The following SHISA9 variants were observed in gnomAD, a reference collection of about 807,000 sequenced individuals.
The protein encoded by SHISA9 is protein shisa-9.
A neutral mutation model predicts 38.0 loss-of-function variants in SHISA9; 13 were observed. The observed-to-expected ratio is 0.34, with a 90% CI of 0.22 to 0.54. The LOEUF is 0.54. Ranked by LOEUF, SHISA9 falls within the 20% of genes least tolerant of loss-of-function variation. The pLI is 0.91. For missense variants in SHISA9, 538 were observed against 575.8 expected (o/e 0.93, Z 0.67); for synonymous variants, 275 against 242.0 (o/e 1.14, Z -1.27).
the SHISA9 span, among the ~76,000 whole-genome samples, chr16:13,315,955 A>C: frequency 3.3e-5 from 5 of 152,118 alleles, no homozygotes; most frequent in Non-Finnish European, 7.4e-5. Context: ...ACTGTTGCTC[A>C]CTACATATTG....
chr16:13,290,675 CCT>C, the SHISA9 span, among the ~76,000 whole-genome samples: 1 of 152,110 alleles, frequency 6.6e-6, no homozygotes, highest in Non-Finnish European at 1.5e-5. Context: ...CCCCTGCCTC[CCT>C]CTCTCTGGTT....
At chr16:13,416,648 G>T in the SHISA9 span, among the ~76,000 whole-genome samples, 27 of 151,940 alleles carry the variant, frequency 1.8e-4, no homozygotes, top group African/African-American at 6.3e-4. Flanking sequence ...GGAGTTCGAG[G>T]CTGCACTGAG....
chr16:13,241,218 C>A (rs552098955), downstream of SHISA9, among the ~76,000 whole-genome samples: 1 of 152,262 alleles, frequency 6.6e-6, no homozygotes, highest in Non-Finnish European at 1.5e-5. Context: ...TTCATGGTGT[C>A]AAGAATCCCT....
chr16:13,121,206 G>A (rs1237490201), intron 2 of SHISA9, among the ~76,000 whole-genome samples: 1 of 152,010 alleles, frequency 6.6e-6, no homozygotes, highest in Non-Finnish European at 1.5e-5. Flanking sequence ...AAAATAATCT[G>A]GGCTGGGCAT....
chr16:13,284,879 G>GT, the SHISA9 span, among the ~76,000 whole-genome samples: 2 of 152,192 alleles, frequency 1.3e-5, no homozygotes, highest in Non-Finnish European at 2.9e-5. Flanking sequence ...GATTACAGGC[G>GT]TGAGCCACTG....
At chr16:12,966,334 A>T (rs1170189826) in intron 2 of SHISA9, among the ~76,000 whole-genome samples, 1 of 108,848 alleles carries the variant, frequency 9.2e-6, no homozygotes, top group African/African-American at 3.6e-5. Context: ...CTGATGAAAG[A>T]GTTTCCTCCC....
chr16:13,059,169 C>A (rs56127034), intron 2 of SHISA9, among the ~76,000 whole-genome samples: 1 of 143,134 alleles, frequency 7.0e-6, no homozygotes, highest in Non-Finnish European at 1.5e-5. Flanking sequence ...ACTCTGTCGC[C>A]CAGGCTGGAG....
At chr16:13,177,547 A>T (rs1052275913) in intron 2 of SHISA9, among the ~76,000 whole-genome samples, 9 of 146,776 alleles carry the variant, frequency 6.1e-5, no homozygotes, top group African/African-American at 2.0e-4. Flanking sequence ...TATTTTTTTT[A>T]AAAAGCGCAA....
At chr16:13,121,110 G>C (rs1454665192) in intron 2 of SHISA9, among the ~76,000 whole-genome samples, 1 of 152,034 alleles carries the variant, frequency 6.6e-6, no homozygotes, top group African/African-American at 2.4e-5. Flanking sequence ...AGTGAGCTAT[G>C]ATTGCATTCA....
chr16:12,956,713 G>A (rs1039255687), intron 2 of SHISA9, among the ~76,000 whole-genome samples: 1 of 152,042 alleles, frequency 6.6e-6, no homozygotes, highest in Non-Finnish European at 1.5e-5. Context: ...TAGACACTGG[G>A]GACTCCAAAA....
chr16:13,547,456 A>C, the SHISA9 span, among the ~76,000 whole-genome samples: 5 of 152,178 alleles, frequency 3.3e-5, no homozygotes, highest in African/African-American at 1.2e-4. Context: ...CTGGAGAATA[A>C]GGAAAAATGG....
the SHISA9 span, among the ~76,000 whole-genome samples, chr16:13,480,384 C>A: frequency 6.6e-6 from 1 of 152,134 alleles, no homozygotes; most frequent in Non-Finnish European, 1.5e-5. Context: ...AGGCCTCGGT[C>A]ACTCTTGGCC....
At chr16:13,019,924 TTTCTTTCTTTCTTTCTTTCTTTC>T (rs2072822465) in intron 2 of SHISA9, among the ~76,000 whole-genome samples, 2 of 91,902 alleles carry the variant, frequency 2.2e-5, no homozygotes, top group South Asian at 4.0e-4. Flanking sequence ...TCTTTCTTTC[TTTCTTTCTTTCTTTCTTTCTTTC>T]TTTCTTTCTT....
chr16:13,440,464 C>A, the SHISA9 span, among the ~76,000 whole-genome samples: 1 of 152,202 alleles, frequency 6.6e-6, no homozygotes, highest in Non-Finnish European at 1.5e-5. Flanking sequence ...AGCACCTTGC[C>A]ATTGACTGGC....
At chr16:12,916,935 G>A (rs2071266718) in intron 2 of SHISA9, 120 bp downstream of exon 2, 1 of 1,161,430 alleles carries the variant, frequency 8.6e-7, no homozygotes, top group South Asian at 1.8e-5. Flanking sequence ...CAAGTTAGAA[G>A]CTTTCTTTCA....
intron 2 of SHISA9, among the ~76,000 whole-genome samples, chr16:13,199,897 C>T (rs77608659): frequency 0.015 from 2,255 of 152,298 alleles, 22 homozygotes; most frequent in Non-Finnish European, 0.022. Context: ...TGCTTTTCAA[C>T]TGCCAGCTCT....
rs1440374664 is a variant in SHISA9 at position 12,918,438 on chromosome 16, T to A, written c.691+1623T>A. On this transcript the variant is annotated intron_variant, in intron 2 of 4. Coordinates refer to ENST00000558583, the MANE Select transcript of SHISA9 (RefSeq NM_001145204.3). The stretch of plus-strand genomic sequence containing the variant: ...AGGATTTTCCCTTGAAGTTCCAATC[T>A]CTAGGATGATTTTTGAATCAGCACT... 1.4e-4 allele frequency among the ~76,000 whole-genome samples: 22 copies of A among 152,208 alleles called. 1 individual carries two copies. The highest frequency in any genetic ancestry group is 1.4e-3 in the Admixed American group (22 of 15,280).
chr16:13,173,307 A>G (rs1165724662), intron 2 of SHISA9, among the ~76,000 whole-genome samples: 1 of 151,492 alleles, frequency 6.6e-6, no homozygotes, highest in African/African-American at 2.4e-5. Flanking sequence ...AAACTCTTAT[A>G]TGCTTTGATA....
the SHISA9 span, among the ~76,000 whole-genome samples, chr16:13,371,194 G>C: frequency 6.6e-6 from 1 of 152,188 alleles, no homozygotes; most frequent in Non-Finnish European, 1.5e-5. Flanking sequence ...GCAGAGTTGG[G>C]ATTTGAACCT....
Sources: allele counts gnomAD v4.1 joint callset (sites outside exome capture counted in the v4.1 genomes callset), GRCh38; gene constraint gnomAD v4.1.1; transcripts MANE v1.5; gene names NCBI Gene and HGNC (gene_info 2026-07-23, HGNC 2026-07-21).